The following PLEKHA3 variants were observed in gnomAD, a reference collection of about 807,000 sequenced individuals.
PLEKHA3 encodes pleckstrin homology domain-containing family A member 3.
Under a neutral mutation model 39.2 loss-of-function variants are expected in PLEKHA3, and 19 were observed. The observed-to-expected ratio is 0.48, with a 90% confidence interval of 0.34 to 0.71. PLEKHA3 has a LOEUF of 0.71. Among genes scored for constraint, PLEKHA3 ranks in the 30% least tolerant of loss-of-function variants. The pLI is 0.01. For synonymous variants in PLEKHA3, 97 were observed against 118.6 expected, an observed-to-expected ratio of 0.82 and a Z score of 1.18; for missense variants, 253 against 359.5, an observed-to-expected ratio of 0.70 and a Z score of 2.40.
chr2:178,500,497 A>C (rs1359098189), intron 6 of PLEKHA3, among the ~76,000 whole-genome samples: 1 of 152,136 alleles, frequency 6.6e-6, no homozygotes, highest in Admixed American at 6.5e-5. Context: ...CATTAAGTAC[A>C]GTAAAGTTGG....
intron 2 of PLEKHA3, chr2:178,488,901 T>G (rs1474537857): frequency 4.8e-6 from 2 of 416,808 alleles, no homozygotes; most frequent in Non-Finnish European, 9.6e-6. Context: ...TAGTTTTGTG[T>G]TTAGAGGTCT....
chr2:178,502,038 GC>G (rs902112610), intron 7 of PLEKHA3, among the ~76,000 whole-genome samples: 4 of 151,894 alleles, frequency 2.6e-5, no homozygotes, highest in African/African-American at 9.7e-5. Flanking sequence ...CTTTGGAAGA[GC>G]CCAGTGAATT....
intron 3 of PLEKHA3, among the ~76,000 whole-genome samples, chr2:178,492,400 G>A (rs1685360951): frequency 1.4e-5 from 2 of 144,458 alleles, no homozygotes; most frequent in African/African-American, 5.2e-5. Flanking sequence ...GCTTTAAAAA[G>A]CAAATTGTGA....
chr2:178,491,150 ACAG>A (rs768121246), intron 3 of PLEKHA3, among the ~76,000 whole-genome samples: 25 of 151,616 alleles, frequency 1.6e-4, no homozygotes, highest in Non-Finnish European at 3.5e-4. Flanking sequence ...AGCTGGGATT[ACAG>A]GTGCCTGCTA....
At position 178,480,880 on chromosome 2, in the gene PLEKHA3, TGTTGTACAA is replaced by T. The variant is rs1685149562; in HGVS notation, c.14_22del (p.Leu5_Lys7del). ...GTGGGGCTCTGAAGCATGGAGGGGG[TGTTGTACAA>T]GTGGACCAACTATCTCACAGGTATG... is the stretch of plus-strand genomic sequence containing the variant. On this transcript the variant is annotated inframe_deletion, in exon 1 of 8. Transcript: ENST00000234453. 1.5e-6 allele frequency: 2 copies of T among 1,313,734 alleles called. No homozygotes were observed. Among genetic ancestry groups the T allele is most frequent in the African/African-American group, 1.5e-5 (1 of 65,408 alleles). The allele number at this position is 1,313,734 out of a possible 1,614,324, so 81.4% of individuals were successfully genotyped here.
intron 6 of PLEKHA3, 49 bp downstream of exon 6, chr2:178,499,303 T>G: frequency 6.3e-7 from 1 of 1,583,034 alleles, no homozygotes; most frequent in South Asian, 1.2e-5. Flanking sequence ...TATATCCATC[T>G]AGGGAAGTTC....
At chr2:178,501,311 C>A in intron 7 of PLEKHA3, 135 bp downstream of exon 7, 1 of 648,558 alleles carries the variant, frequency 1.5e-6, no homozygotes, top group Non-Finnish European at 2.7e-6. Flanking sequence ...CAGAGGTAAG[C>A]AAACAGCGCT....
At chr2:178,487,420 T>G (rs1685267174) in intron 2 of PLEKHA3, among the ~76,000 whole-genome samples, 1 of 110,420 alleles carries the variant, frequency 9.1e-6, no homozygotes, top group African/African-American at 3.2e-5. Context: ...TTTCTTTTTT[T>G]CTTTTTTTTC....
rs1200579197 is a variant in PLEKHA3 at position 178,511,362 on chromosome 2, TTTGA to T, written c.*7477_*7480del. On this transcript the variant is annotated 3_prime_UTR_variant, in exon 8 of 8. Coordinates refer to ENST00000234453, the MANE Select transcript of PLEKHA3 (RefSeq NM_019091.4). Reference sequence around the variant, plus strand: ...CTGCTTTGATATCCATCTCTGGAACTTTGATCTCTAATTTTTTTTTTTTTTTTTT... The same window carrying T: ...CTGCTTTGATATCCATCTCTGGAACTTCTCTAATTTTTTTTTTTTTTTTTT... The T allele has an allele frequency of 1.3e-5, 2 of 151,812 alleles. No homozygotes were observed. The highest frequency in any genetic ancestry group is 3.9e-4 in the East Asian group (2 of 5,194). 9.4% of individuals were successfully genotyped at this position (151,812 alleles called of 1,614,324 possible). A position where few individuals can be genotyped will look rare whatever the true frequency, so the allele number is the denominator to read the frequency against.
intron 5 of PLEKHA3, among the ~76,000 whole-genome samples, chr2:178,495,909 A>T (rs181104788): frequency 6.6e-6 from 1 of 152,302 alleles, no homozygotes; most frequent in African/African-American, 2.4e-5. Flanking sequence ...AGGCTGCTTC[A>T]TCCATTTTCC....
Sources: allele counts gnomAD v4.1 joint callset (sites outside exome capture counted in the v4.1 genomes callset), GRCh38; gene constraint gnomAD v4.1.1; transcripts MANE v1.5; gene names NCBI Gene and HGNC (gene_info 2026-07-23, HGNC 2026-07-21).